AKAP19: variants seen among roughly 807,000 people sequenced by gnomAD.
AKAP19 encodes the protein A-kinase anchoring protein 19.
chr2:190,018,376 T>C, the AKAP19 span, among the ~76,000 whole-genome samples: 3 of 152,160 alleles, frequency 2.0e-5, no homozygotes, highest in African/African-American at 7.2e-5. Context: ...TGATTTACAG[T>C]GTTCTATCTT....
chr2:190,118,207 A>T, the AKAP19 span, among the ~76,000 whole-genome samples: 1 of 152,242 alleles, frequency 6.6e-6, no homozygotes, highest in Non-Finnish European at 1.5e-5. Flanking sequence ...ACAGGCTCTG[A>T]AATTGAGGCA....
the AKAP19 span, chr2:190,164,196 A>T: frequency 6.6e-6 from 1 of 152,248 alleles, no homozygotes; most frequent in Non-Finnish European, 1.5e-5. Flanking sequence ...CTGCAATTCA[A>T]TAGGAAGAAA....
chr2:190,093,158 C>T, the AKAP19 span, among the ~76,000 whole-genome samples: 3 of 152,198 alleles, frequency 2.0e-5, no homozygotes, highest in Non-Finnish European at 2.9e-5. Context: ...CATGGTGGCT[C>T]ACGCCTATAA....
the AKAP19 span, among the ~76,000 whole-genome samples, chr2:190,013,894 T>A: frequency 1.3e-5 from 2 of 152,206 alleles, no homozygotes; most frequent in Non-Finnish European, 2.9e-5. Flanking sequence ...CTTGGTTTTA[T>A]TGATTTTTTC....
At chr2:190,179,206 G>A in the AKAP19 span, among the ~76,000 whole-genome samples, 3 of 152,048 alleles carry the variant, frequency 2.0e-5, no homozygotes, top group African/African-American at 7.2e-5. The surrounding 1 kb of genome is among the most constrained non-coding windows in gnomAD (Gnocchi z 6.0). Context: ...TCTGGGGTTC[G>A]GGATCAGCCT....
the AKAP19 span, chr2:190,180,885 C>T: frequency 2.0e-6 from 2 of 985,110 alleles, no homozygotes; most frequent in Middle Eastern, 5.2e-4. The surrounding 1 kb of genome is among the most constrained non-coding windows in gnomAD (Gnocchi z 6.8). Flanking sequence ...TTGGCTGAGC[C>T]GGGCGCCGGC....
chr2:189,995,045 T>C, the AKAP19 span, among the ~76,000 whole-genome samples: 20 of 152,354 alleles, frequency 1.3e-4, no homozygotes, highest in African/African-American at 4.3e-4. Flanking sequence ...TGGCCTATCA[T>C]ATGGTCTGTC....
At chr2:190,163,095 G>A in the AKAP19 span, among the ~76,000 whole-genome samples, 1 of 152,172 alleles carries the variant, frequency 6.6e-6, no homozygotes, top group Non-Finnish European at 1.5e-5. Context: ...TATAGTTTTA[G>A]AAATTAGATT....
At chr2:190,197,266 A>C in the AKAP19 span, among the ~76,000 whole-genome samples, 7 of 152,162 alleles carry the variant, frequency 4.6e-5, no homozygotes, top group Non-Finnish European at 8.8e-5. This position sits in a 1 kb window ranked among gnomAD's most constrained non-coding sequence, Gnocchi z 4.0. Flanking sequence ...TATACTACTG[A>C]TTCCTAAGGT....
the AKAP19 span, among the ~76,000 whole-genome samples, chr2:190,098,746 C>T: frequency 0.77 from 116,838 of 152,140 alleles, 45,119 homozygotes; most frequent in East Asian, 0.84. Context: ...ATAAGGCTGT[C>T]TCATCTACAT....
the AKAP19 span, among the ~76,000 whole-genome samples, chr2:190,070,352 AG>A: frequency 1.9e-3 from 285 of 152,174 alleles, no homozygotes; most frequent in African/African-American, 6.4e-3. Flanking sequence ...AAAAGTCAGT[AG>A]TTTCTAGTTA....
the AKAP19 span, among the ~76,000 whole-genome samples, chr2:189,935,599 C>A: frequency 1.3e-5 from 2 of 152,026 alleles, no homozygotes; most frequent in African/African-American, 4.8e-5. Flanking sequence ...ACAAACTTAA[C>A]AGCTGTCTGA....
the AKAP19 span, among the ~76,000 whole-genome samples, chr2:190,044,478 G>C: frequency 6.6e-6 from 1 of 152,154 alleles, no homozygotes; most frequent in Non-Finnish European, 1.5e-5. Flanking sequence ...TTGGGTCTTT[G>C]CTCCTTCGTT....
the AKAP19 span, among the ~76,000 whole-genome samples, chr2:190,130,908 AT>A: frequency 6.6e-6 from 1 of 152,214 alleles, no homozygotes; most frequent in Non-Finnish European, 1.5e-5. Flanking sequence ...TATTTGCTAT[AT>A]TTGTTGTATA....
chr2:189,885,902 G>A, the AKAP19 span, among the ~76,000 whole-genome samples: 18 of 152,110 alleles, frequency 1.2e-4, no homozygotes, highest in South Asian at 2.1e-4. Flanking sequence ...TCCACCTCCC[G>A]GGTTCAAGCG....
the AKAP19 span, among the ~76,000 whole-genome samples, chr2:190,108,643 A>T: frequency 4.6e-5 from 7 of 152,342 alleles, no homozygotes; most frequent in African/African-American, 1.4e-4. Flanking sequence ...TAAGATCTTC[A>T]TCTTGGCAGC....
the AKAP19 span, among the ~76,000 whole-genome samples, chr2:189,909,922 G>T: frequency 6.6e-6 from 1 of 151,762 alleles, no homozygotes; most frequent in Non-Finnish European, 1.5e-5. Flanking sequence ...ATGTATCAAG[G>T]TGTTTTTTTT....
At chr2:189,956,959 C>T in the AKAP19 span, among the ~76,000 whole-genome samples, 1,726 of 152,112 alleles carry the variant, frequency 0.011, 29 homozygotes, top group African/African-American at 0.039. Context: ...AATTTAATTC[C>T]GAGTTCAGGA....
chr2:189,944,667 C>G, the AKAP19 span, among the ~76,000 whole-genome samples: 31 of 152,220 alleles, frequency 2.0e-4, no homozygotes, highest in South Asian at 6.4e-3. Context: ...TTTAACACCC[C>G]ACTATCATTA....
Sources: allele counts gnomAD v4.1 joint callset (sites outside exome capture counted in the v4.1 genomes callset), GRCh38; gene constraint gnomAD v4.1.1; non-coding constraint Gnocchi (gnomAD v3.1); transcripts MANE v1.5; gene names NCBI Gene and HGNC (gene_info 2026-07-23, HGNC 2026-07-21).